TMEM11: variants seen among roughly 807,000 people sequenced by gnomAD.
TMEM11 encodes transmembrane protein 11.
Under a neutral mutation model 17.0 loss-of-function variants are expected in TMEM11, and 1 was observed. That is an observed-to-expected ratio of 0.06 (90% CI 0.02 to 0.28). The LOEUF is 0.28. TMEM11 is among the 10% of genes least tolerant of loss of function. The pLI, the probability that TMEM11 is intolerant of heterozygous loss-of-function variation, is 1.00. For missense variants in TMEM11, 172 were observed against 252.9 expected, an observed-to-expected ratio of 0.68 and a Z score of 2.17; for synonymous variants, 122 against 118.1, an observed-to-expected ratio of 1.03 and a Z score of -0.21.
Position 21,213,784 on chromosome 17 carries a change from C to T in TMEM11, c.62+307G>A, listed in dbSNP as rs1472162325. On this transcript the variant is annotated intron_variant, in intron 1 of 1. Coordinates refer to ENST00000317635, the MANE Select transcript of TMEM11 (RefSeq NM_003876.3). ...TCGGCCCGCGGGCAGCTAGGCGGGT[C>T]CCTGAGGCCTGCGCTGGGCGCCAGT... is the stretch of plus-strand genomic sequence containing the variant. 5.1e-5 allele frequency: 20 copies of T among 391,030 alleles called. No individual in the cohort carries two copies. In the South Asian group the frequency reaches 6.2e-4, roughly 12 times the overall value. 24.2% of individuals were successfully genotyped at this position (391,030 alleles called of 1,614,324 possible). A position where few individuals can be genotyped will look rare whatever the true frequency, so the allele number is the denominator to read the frequency against.
Position 21,198,118 on chromosome 17 carries a change from C to T in TMEM11, c.*206G>A, listed in dbSNP as rs1024332067. The T allele has an allele frequency of 1.1e-5, 7 of 634,210 alleles. No homozygotes were observed. In the Admixed American group the frequency reaches 2.2e-4, roughly 20 times the overall value. The allele number at this position is 634,210 out of a possible 1,614,324, so 39.3% of individuals were successfully genotyped here. ...CAGTCGGACTTCCACAGCCTCAGAC[C>T]CCCCTCTTGGGTTATGGAAATCCAC... On this transcript the variant is annotated 3_prime_UTR_variant, in exon 2 of 2. Transcript: ENST00000317635. The surrounding 1 kb of genome is among the most constrained non-coding windows in gnomAD (Gnocchi z 6.5).
At chr17:21,199,678 T>C (rs1161454225) in intron 1 of TMEM11, among the ~76,000 whole-genome samples, 1 of 152,218 alleles carries the variant, frequency 6.6e-6, no homozygotes, top group Admixed American at 6.5e-5. Flanking sequence ...GAGCTTTGCC[T>C]TGGGCGAATG....
chr17:21,204,435 T>TAAAAAAA (rs71160127), intron 1 of TMEM11, among the ~76,000 whole-genome samples: 2 of 96,820 alleles, frequency 2.1e-5, no homozygotes, highest in African/African-American at 3.8e-5. Context: ...TCCGTCTCAA[T>TAAAAAAA]AAAAAAAAAA....
intron 1 of TMEM11, among the ~76,000 whole-genome samples, chr17:21,203,113 G>A (rs1207790331): frequency 1.3e-5 from 2 of 152,208 alleles, no homozygotes; most frequent in African/African-American, 2.4e-5. Context: ...AGGGAATCTC[G>A]GTTTCCACTG....
In TMEM11 at chr17:21,198,527, A is replaced by C; in HGVS notation, c.376T>G (p.Trp126Gly). 6.2e-7 allele frequency: 1 copy of C among 1,614,266 alleles called. No homozygotes were observed. Among genetic ancestry groups the C allele is most frequent in the South Asian group, 1.1e-5 (1 of 91,084 alleles). The change falls in exon 2 of 2, where the codon TGG becomes GGG. Residue 126 changes from tryptophan (W) to glycine (G), a missense_variant. Physicochemically the swap from Trp to Gly is radical, Grantham distance 184 (BLOSUM62 -2). Transcript: ENST00000317635. This position sits in a 1 kb window ranked among gnomAD's most constrained non-coding sequence, Gnocchi z 6.5. ...TACTTGCAGCAAGGGTCAAACTGCC[A>C]GGAGATCCCATAGAGGGTGCAGCAG... ...LACCTLYGIS[W>G]QFDPCCKYQV...
rs190598277 is a variant in TMEM11, at chr17:21,202,788, C to T, written c.63-3948G>A. On this transcript the variant is annotated intron_variant, in intron 1 of 1. Coordinates refer to ENST00000317635, the MANE Select transcript of TMEM11 (RefSeq NM_003876.3). ...GAGTGAGGAGACTGGGCATCCTCTG[C>T]CCTCGGCTGTGGGCAGTCCTGTGAA... Among the ~76,000 whole-genome samples the T allele has an allele frequency of 4.0e-3, 603 of 152,350 alleles. 6 individuals are homozygous for T. The highest frequency in any genetic ancestry group is 0.014 in the African/African-American group (580 of 41,580).
At chr17:21,207,902 A>C (rs1423326829) in intron 1 of TMEM11, among the ~76,000 whole-genome samples, 4 of 151,970 alleles carry the variant, frequency 2.6e-5, no homozygotes, top group Admixed American at 1.3e-4. Context: ...AGAAACAAGA[A>C]AATAGATCAA....
At chr17:21,213,926 A>ACCCGGAT (rs754748657) in intron 1 of TMEM11, 165 bp downstream of exon 1, 212 of 674,366 alleles carry the variant, frequency 3.1e-4, no homozygotes, top group Non-Finnish European at 4.7e-4. Context: ...CCTCGCTCCC[A>ACCCGGAT]CCCGGATCCC....
intron 1 of TMEM11, among the ~76,000 whole-genome samples, chr17:21,207,739 T>G (rs548263109): frequency 5.3e-5 from 8 of 149,570 alleles, no homozygotes; most frequent in Non-Finnish European, 1.2e-4. Flanking sequence ...AATACAAAAA[T>G]TAGCCAGGTG....
At position 21,206,055 on chromosome 17, in the gene TMEM11, G is replaced by A. The variant is rs556553169; in HGVS notation, c.63-7215C>T. Among the ~76,000 whole-genome samples the A allele has an allele frequency of 1.6e-3, 246 of 151,872 alleles. 1 individual carries two copies. The highest frequency in any genetic ancestry group is 3.1e-3 in the South Asian group (15 of 4,802). ...TGAGTCCCTGCTTTTTTTGGGGGGG[G>A]GGTATATATACCCAGAAGTGGAACT... On this transcript the variant is annotated intron_variant, in intron 1 of 1. Coordinates refer to ENST00000317635, the MANE Select transcript of TMEM11 (RefSeq NM_003876.3).
At chr17:21,203,877 A>T (rs1974910611) in intron 1 of TMEM11, among the ~76,000 whole-genome samples, 1 of 148,834 alleles carries the variant, frequency 6.7e-6, no homozygotes, top group African/African-American at 2.5e-5. Flanking sequence ...GCAGAGCATC[A>T]CCAGCTGCCC....
intron 1 of TMEM11, chr17:21,211,198 A>T: frequency 7.8e-7 from 1 of 1,289,838 alleles, no homozygotes; most frequent in Non-Finnish European, 1.0e-6. Context: ...TCAGAGTCTG[A>T]TGTTCTTCAT....
intron 1 of TMEM11, among the ~76,000 whole-genome samples, chr17:21,203,095 T>A (rs1373785806): frequency 2.0e-5 from 3 of 152,174 alleles, no homozygotes; most frequent in Non-Finnish European, 2.9e-5. Flanking sequence ...TTAAAGCCAG[T>A]TAGGCAAAGG....
At chr17:21,205,597 G>C (rs1222124113) in intron 1 of TMEM11, among the ~76,000 whole-genome samples, 1 of 152,024 alleles carries the variant, frequency 6.6e-6, no homozygotes, top group Non-Finnish European at 1.5e-5. Flanking sequence ...GTACAGTTCA[G>C]AGGCACTAAG....
chr17:21,212,560 C>A (rs915257247), intron 1 of TMEM11, among the ~76,000 whole-genome samples: 9 of 152,338 alleles, frequency 5.9e-5, no homozygotes, highest in African/African-American at 1.2e-4. Flanking sequence ...CCAGCCTATG[C>A]ACTGCTAATT....
chr17:21,203,611 G>A (rs1567635865), intron 1 of TMEM11, among the ~76,000 whole-genome samples: 1 of 151,772 alleles, frequency 6.6e-6, no homozygotes, highest in Non-Finnish European at 1.5e-5. Context: ...GCAGGCTGAG[G>A]CACAAGAATC....
rs1345711095 is a variant in TMEM11, at chr17:21,203,377, G to A, written c.63-4537C>T. Among the ~76,000 whole-genome samples the A allele has an allele frequency of 2.6e-5, 4 of 152,212 alleles. No homozygotes were observed. The East Asian group carries it at 7.7e-4, about 29-fold the overall frequency. ...TGCCACTGCTGGGCCCTTGGGTTCAGGTCTGCACTGCTGACAGGGACTGCT... is the reference window on the plus strand; with the variant it reads ...TGCCACTGCTGGGCCCTTGGGTTCAAGTCTGCACTGCTGACAGGGACTGCT... On this transcript the variant is annotated intron_variant, in intron 1 of 1. Transcript: ENST00000317635.
chr17:21,206,818 C>T (rs572800056), intron 1 of TMEM11, among the ~76,000 whole-genome samples: 1 of 152,098 alleles, frequency 6.6e-6, no homozygotes, highest in South Asian at 2.1e-4. Context: ...CCATGCCTGG[C>T]CTGATTTGTA....
intron 1 of TMEM11, among the ~76,000 whole-genome samples, chr17:21,203,890 T>G (rs1433737296): frequency 6.8e-6 from 1 of 146,600 alleles, no homozygotes; most frequent in Non-Finnish European, 1.5e-5. Context: ...AGCTGCCCCC[T>G]AACTGGTAAG....
Sources: gnomAD v4.1 joint callset for allele counts (sites outside exome capture counted in the v4.1 genomes callset) on GRCh38, gnomAD v4.1.1 for gene constraint, Gnocchi (gnomAD v3.1) non-coding constraint, MANE v1.5 for transcripts, NCBI Gene and HGNC (gene_info 2026-07-23, HGNC 2026-07-21) for gene names.